The following SNX29 variants were observed in gnomAD, a reference collection of about 807,000 sequenced individuals.
SNX29 encodes the protein sorting nexin-29.
SNX29 carries 78 observed loss-of-function variants against 102.1 expected under a neutral mutation model. The ratio of observed to expected loss-of-function variants is 0.76; its 90% CI spans 0.64 to 0.92. SNX29 has a LOEUF of 0.92. SNX29 is among the 40% of genes least tolerant of loss of function. The probability of loss-of-function intolerance (pLI) is 0.00; values close to 1 mark genes in which losing one functional copy is unlikely to be tolerated. For synonymous variants in SNX29, 580 were observed against 414.5 expected, an observed-to-expected ratio of 1.40 and a Z score of -4.85; for missense variants, 1,280 against 1,061.7, an observed-to-expected ratio of 1.21 and a Z score of -2.86.
intron 15 of SNX29, among the ~76,000 whole-genome samples, chr16:12,329,519 C>T (rs926650895): frequency 3.9e-5 from 6 of 152,116 alleles, no homozygotes; most frequent in African/African-American, 1.4e-4. Flanking sequence ...TAATTTGGTT[C>T]CTAGCTGGGA....
At position 12,434,591 on chromosome 16, in the gene SNX29, AC is replaced by A. The variant is rs563131435; in HGVS notation, c.2037+31067del. ...CTGAAACAGCCTTGTGTACCCTGCAACCCCCAAAGCAGGGCCTTCCCATAAC... is the reference window on the plus strand; with the variant it reads ...CTGAAACAGCCTTGTGTACCCTGCAACCCCAAAGCAGGGCCTTCCCATAAC... On this transcript the variant is annotated intron_variant, in intron 18 of 20. Coordinates refer to ENST00000566228, the MANE Select transcript of SNX29 (RefSeq NM_032167.5). Among the ~76,000 whole-genome samples the A allele has an allele frequency of 2.0e-3, 308 of 152,052 alleles. 18 individuals are homozygous for A. The South Asian group carries it at 0.059, about 29-fold the overall frequency.
Position 12,570,258 on chromosome 16 carries a change from G to A in SNX29, c.*1629G>A, listed in dbSNP as rs1269471859. 3 of 1,065,046 alleles carry A rather than the reference G, an allele frequency of 2.8e-6. No individual in the cohort carries two copies. The highest frequency in any genetic ancestry group is 3.4e-6 in the Non-Finnish European group (3 of 879,192). 66.0% of individuals were successfully genotyped at this position (1,065,046 alleles called of 1,614,324 possible). ...GGTGAGACCAAATGAGCTGGAGCAT[G>A]TATGGAGGTGCGGACCCTGCAGTCA... On this transcript the variant is annotated 3_prime_UTR_variant, in exon 21 of 21. Coordinates refer to ENST00000566228, the MANE Select transcript of SNX29 (RefSeq NM_032167.5).
intron 15 of SNX29, among the ~76,000 whole-genome samples, chr16:12,319,255 C>T (rs1411322147): frequency 6.6e-6 from 1 of 152,164 alleles, no homozygotes; most frequent in Non-Finnish European, 1.5e-5. Flanking sequence ...AACTGGCCTG[C>T]CACAATCCCA....
chr16:12,202,376 G>C (rs979877093), intron 14 of SNX29, among the ~76,000 whole-genome samples: 4 of 152,118 alleles, frequency 2.6e-5, no homozygotes, highest in Admixed American at 2.6e-4. Flanking sequence ...CCAGAAGTGA[G>C]GTTGGGTTAT....
intron 13 of SNX29, among the ~76,000 whole-genome samples, chr16:12,176,616 T>C (rs1228389437): frequency 6.6e-6 from 1 of 152,204 alleles, no homozygotes; most frequent in Non-Finnish European, 1.5e-5. Context: ...TGATTTAAAG[T>C]CTACCGGGGG....
intron 20 of SNX29, among the ~76,000 whole-genome samples, chr16:12,565,005 T>C (rs922742672): frequency 1.3e-5 from 2 of 151,906 alleles, no homozygotes; most frequent in African/African-American, 4.8e-5. Context: ...CCCATGTCTC[T>C]ACTGTTGGAC....
chr16:12,392,428 C>G (rs1330850511), intron 16 of SNX29, among the ~76,000 whole-genome samples: 1 of 152,094 alleles, frequency 6.6e-6, no homozygotes, highest in Non-Finnish European at 1.5e-5. Context: ...CCTTTGCCTC[C>G]CACCCTTTCC....
chr16:12,108,525 C>G (rs1003962879), intron 11 of SNX29, among the ~76,000 whole-genome samples: 11 of 152,170 alleles, frequency 7.2e-5, no homozygotes, highest in African/African-American at 2.7e-4. Flanking sequence ...GGAGAGGGGT[C>G]AGAGGCATCC....
At chr16:12,504,823 C>T (rs1432958215) in intron 19 of SNX29, among the ~76,000 whole-genome samples, 3 of 152,210 alleles carry the variant, frequency 2.0e-5, no homozygotes, top group Non-Finnish European at 4.4e-5. Flanking sequence ...TTTCGGACAT[C>T]CCCTGGGGGT....
At chr16:12,047,978 G>C (rs1445677822) in intron 6 of SNX29, among the ~76,000 whole-genome samples, 1 of 152,092 alleles carries the variant, frequency 6.6e-6, no homozygotes, top group African/African-American at 2.4e-5. Flanking sequence ...CTTGTAGCTA[G>C]TAGGTGGCAG....
At chr16:12,518,030 G>A (rs1361028624) in intron 19 of SNX29, among the ~76,000 whole-genome samples, 8 of 152,208 alleles carry the variant, frequency 5.3e-5, no homozygotes, top group African/African-American at 1.9e-4. Flanking sequence ...GACGTGAAGA[G>A]AGGTTAGCAA....
At chr16:12,048,802 A>G (rs1291312319) in intron 7 of SNX29, among the ~76,000 whole-genome samples, 182 bp downstream of exon 7, 1 of 152,206 alleles carries the variant, frequency 6.6e-6, no homozygotes, top group Non-Finnish European at 1.5e-5. Context: ...GGCCTTACCT[A>G]GATGCGAGAA....
In SNX29 at chr16:12,572,705, T is replaced by TCCA; in HGVS notation, c.*4077_*4079dup. 1 of 1,063,808 alleles carries TCCA rather than the reference T, an allele frequency of 9.4e-7. No homozygotes were observed. Among genetic ancestry groups the TCCA allele is most frequent in the Non-Finnish European group, 1.1e-6 (1 of 878,340 alleles). The allele number at this position is 1,063,808 out of a possible 1,614,324, so 65.9% of individuals were successfully genotyped here. A position where few individuals can be genotyped will look rare whatever the true frequency, so the allele number is the denominator to read the frequency against. The stretch of plus-strand genomic sequence containing the variant: ...GAAGCCCTGCACTCCAGCAGCATCT[T>TCCA]CCAGCCTTGGCACAGAACTGATGGC... On this transcript the variant is annotated 3_prime_UTR_variant, in exon 21 of 21. Coordinates refer to ENST00000566228, the MANE Select transcript of SNX29 (RefSeq NM_032167.5).
chr16:12,086,261 C>G (rs1291679621), intron 11 of SNX29, among the ~76,000 whole-genome samples: 1 of 152,150 alleles, frequency 6.6e-6, no homozygotes, highest in Non-Finnish European at 1.5e-5. Context: ...GCCTCGGCGT[C>G]TCAAAGTGTT....
chr16:12,152,711 G>C (rs1418304909), intron 13 of SNX29, among the ~76,000 whole-genome samples: 1 of 152,156 alleles, frequency 6.6e-6, no homozygotes, highest in Non-Finnish European at 1.5e-5. Flanking sequence ...TACACCACAG[G>C]TCCCTGGAAC....
chr16:12,473,714 A>T (rs1368407233), intron 18 of SNX29, among the ~76,000 whole-genome samples: 1 of 152,216 alleles, frequency 6.6e-6, no homozygotes, highest in Non-Finnish European at 1.5e-5. Context: ...TGCAGTAAAG[A>T]AGACGGCTAA....
At chr16:12,268,922 C>A (rs757583455) in intron 14 of SNX29, among the ~76,000 whole-genome samples, 2 of 152,126 alleles carry the variant, frequency 1.3e-5, no homozygotes, top group Admixed American at 6.5e-5. Context: ...CTATTTTAGA[C>A]GACTTAACAC....
At chr16:12,331,752 A>C (rs1001135395) in intron 15 of SNX29, among the ~76,000 whole-genome samples, 9 of 152,108 alleles carry the variant, frequency 5.9e-5, no homozygotes, top group African/African-American at 2.2e-4. Flanking sequence ...TCGTTTCACC[A>C]TGTTGGCCAG....
chr16:12,033,815 C>A (rs890908940), intron 4 of SNX29, among the ~76,000 whole-genome samples: 1 of 152,064 alleles, frequency 6.6e-6, no homozygotes, highest in Non-Finnish European at 1.5e-5. Flanking sequence ...TCATATTGGG[C>A]AGGCTGGTCT....
Sources: gnomAD v4.1 joint callset for allele counts (sites outside exome capture counted in the v4.1 genomes callset) on GRCh38, gnomAD v4.1.1 for gene constraint, MANE v1.5 for transcripts, NCBI Gene and HGNC (gene_info 2026-07-23, HGNC 2026-07-21) for gene names.